The following APBA1 variants were observed in gnomAD, a reference collection of about 807,000 sequenced individuals.
APBA1 encodes the protein amyloid-beta A4 precursor protein-binding family A member 1.
In APBA1, 55 loss-of-function variants were observed where a neutral mutation model predicts 86.6. That is an observed-to-expected ratio of 0.64 (90% CI 0.51 to 0.80). The LOEUF is 0.80. Among genes scored for constraint, APBA1 ranks in the 30% least tolerant of loss-of-function variants. The pLI is 0.00. For synonymous variants in APBA1, 511 were observed against 493.9 expected, an observed-to-expected ratio of 1.03 and a Z score of -0.46; for missense variants, 1,090 against 1,183.0, an observed-to-expected ratio of 0.92 and a Z score of 1.15.
At chr9:69,442,931 C>T (rs1417785863) in intron 10 of APBA1, among the ~76,000 whole-genome samples, 1 of 152,236 alleles carries the variant, frequency 6.6e-6, no homozygotes, top group Non-Finnish European at 1.5e-5. Context: ...AGGCGTGAAA[C>T]TGGTGTTAGA....
chr9:69,627,038 A>G (rs1188259316), intron 1 of APBA1, among the ~76,000 whole-genome samples: 1 of 152,164 alleles, frequency 6.6e-6, no homozygotes, highest in Non-Finnish European at 1.5e-5. Flanking sequence ...AACCTCATAC[A>G]ATGCTGACCT....
At chr9:69,622,591 A>AT (rs1822843345) in intron 1 of APBA1, among the ~76,000 whole-genome samples, 1 of 151,192 alleles carries the variant, frequency 6.6e-6, no homozygotes, top group Non-Finnish European at 1.5e-5. Flanking sequence ...GAAAAAAAAA[A>AT]GAAACAAAGA....
chr9:69,552,417 C>T (rs1836799909), intron 1 of APBA1, among the ~76,000 whole-genome samples: 1 of 152,192 alleles, frequency 6.6e-6, no homozygotes, highest in African/African-American at 2.4e-5. Context: ...AATCAATTCA[C>T]ATTGAGTTCA....
At chr9:69,603,950 T>C (rs777763475) in intron 1 of APBA1, among the ~76,000 whole-genome samples, 9 of 152,204 alleles carry the variant, frequency 5.9e-5, no homozygotes, top group Admixed American at 1.3e-4. Flanking sequence ...TACTGCAATA[T>C]TACACAGTAG....
At chr9:69,664,912 AATT>A (rs1033927972) in intron 1 of APBA1, among the ~76,000 whole-genome samples, 1 of 152,162 alleles carries the variant, frequency 6.6e-6, no homozygotes, top group Non-Finnish European at 1.5e-5. Context: ...CCATCAAACC[AATT>A]ATTATCTGTT....
intron 9 of APBA1, 71 bp downstream of exon 9, chr9:69,452,051 C>T: frequency 7.0e-7 from 1 of 1,435,614 alleles, no homozygotes; most frequent in Non-Finnish European, 9.7e-7. Flanking sequence ...ACTTCCGCGG[C>T]AGGGTGCCCC....
intron 3 of APBA1, chr9:69,474,452 AT>A (rs979139146): frequency 6.6e-6 from 1 of 152,204 alleles, no homozygotes; most frequent in African/African-American, 2.4e-5. Flanking sequence ...ACTATCTGTG[AT>A]TTTTCTCAGC....
intron 11 of APBA1, among the ~76,000 whole-genome samples, chr9:69,433,100 G>A (rs1399882263): frequency 6.6e-6 from 1 of 152,182 alleles, no homozygotes; most frequent in Non-Finnish European, 1.5e-5. Flanking sequence ...TTAGGGTCAC[G>A]ATTGCCTGAG....
chr9:69,512,274 A>G (rs1836062100), intron 2 of APBA1, among the ~76,000 whole-genome samples: 1 of 152,124 alleles, frequency 6.6e-6, no homozygotes, highest in African/African-American at 2.4e-5. Flanking sequence ...CTCAGTGCTG[A>G]GAGAGTGTTC....
intron 1 of APBA1, among the ~76,000 whole-genome samples, chr9:69,546,845 A>G (rs1284696436): frequency 6.6e-6 from 1 of 152,220 alleles, no homozygotes; most frequent in Non-Finnish European, 1.5e-5. Flanking sequence ...TGAAGTGTCA[A>G]TGAAGGCAAT....
At chr9:69,638,373 T>G (rs1421672865) in intron 1 of APBA1, among the ~76,000 whole-genome samples, 1 of 152,198 alleles carries the variant, frequency 6.6e-6, no homozygotes, top group African/African-American at 2.4e-5. Context: ...CCCAAGTAGC[T>G]GGGATTACAG....
rs1043199259 is a variant in APBA1, at chr9:69,430,071, G to C, written c.*1256C>G. On this transcript the variant is annotated 3_prime_UTR_variant, in exon 13 of 13. Transcript: ENST00000265381. ...TCTCAGGCCCACAAGGCAGCAAGAG[G>C]GTGTTTATGGACCACATCTGGGGAT... 3.3e-5 allele frequency: 5 copies of C among 152,100 alleles called. No homozygotes were observed. Among genetic ancestry groups the C allele is most frequent in the Admixed American group, 3.3e-4 (5 of 15,262 alleles). 9.4% of individuals were successfully genotyped at this position (152,100 alleles called of 1,614,324 possible). A position where few individuals can be genotyped will look rare whatever the true frequency, so the allele number is the denominator to read the frequency against.
At chr9:69,669,446 G>A (rs1164980447) in intron 1 of APBA1, among the ~76,000 whole-genome samples, 1 of 152,176 alleles carries the variant, frequency 6.6e-6, no homozygotes, top group African/African-American at 2.4e-5. Context: ...TTAAGTGAAG[G>A]AAAGGCATCC....
chr9:69,491,028 A>C (rs1319800192), intron 2 of APBA1, among the ~76,000 whole-genome samples: 3 of 152,260 alleles, frequency 2.0e-5, no homozygotes, highest in African/African-American at 7.2e-5. Context: ...TAGTTCAACC[A>C]TTGTGGAAGT....
chr9:69,624,120 T>C (rs1409197419), intron 1 of APBA1, among the ~76,000 whole-genome samples: 2 of 152,224 alleles, frequency 1.3e-5, no homozygotes, highest in Non-Finnish European at 2.9e-5. Flanking sequence ...GTTCAGATTA[T>C]GATACTGTGC....
At chr9:69,584,928 A>G (rs1342435073) in intron 1 of APBA1, among the ~76,000 whole-genome samples, 1 of 152,216 alleles carries the variant, frequency 6.6e-6, no homozygotes, top group Admixed American at 6.5e-5. Flanking sequence ...GCACAAACCC[A>G]TGAATTATCT....
chr9:69,481,358 C>A (rs1011311144), intron 2 of APBA1, among the ~76,000 whole-genome samples: 2 of 152,074 alleles, frequency 1.3e-5, no homozygotes, highest in Admixed American at 1.3e-4. Flanking sequence ...CATGAGCGAA[C>A]TCCCATTCAC....
chr9:69,542,508 A>G (rs1408314513), intron 1 of APBA1, among the ~76,000 whole-genome samples: 1 of 152,140 alleles, frequency 6.6e-6, no homozygotes, highest in Non-Finnish European at 1.5e-5. Context: ...TCCACAGTTT[A>G]TTTATCCATT....
chr9:69,578,254 G>A (rs750457452), intron 1 of APBA1, among the ~76,000 whole-genome samples: 30 of 152,292 alleles, frequency 2.0e-4, no homozygotes, highest in Admixed American at 4.6e-4. Context: ...ACTGGAGCAC[G>A]GATCCAACTG....
Sources: allele counts gnomAD v4.1 joint callset (sites outside exome capture counted in the v4.1 genomes callset), GRCh38; gene constraint gnomAD v4.1.1; transcripts MANE v1.5; gene names NCBI Gene and HGNC (gene_info 2026-07-23, HGNC 2026-07-21).